Variants in ADGRB1 observed in about 807,000 individuals in gnomAD.
ADGRB1 encodes the protein brain-specific angiogenesis inhibitor 1.
In ADGRB1, 36 loss-of-function variants were observed where a neutral mutation model predicts 175.7. The observed-to-expected ratio is 0.20, with a 90% CI of 0.16 to 0.27. ADGRB1 has a LOEUF of 0.27. Ranked by LOEUF, ADGRB1 falls within the 10% of genes least tolerant of loss-of-function variation. The pLI is 1.00. For missense variants in ADGRB1, 1,731 were observed against 2,255.3 expected (o/e 0.77, Z 4.71); for synonymous variants, 1,054 against 979.4 (o/e 1.08, Z -1.42).
rs760812145 is a variant in ADGRB1, at chr8:142,477,107, C to A, written c.1058-7C>A. On this transcript the variant is annotated splice_region_variant and splice_polypyrimidine_tract_variant and intron_variant, in intron 4 of 30. Coordinates refer to ENST00000517894, the MANE Select transcript of ADGRB1 (RefSeq NM_001702.3). ...GCAGGCCTGTGACGCTGTAGTGGGGCCTGCAGGTGACCCAGCAGCCGAGGA... is the reference window on the plus strand; with the variant it reads ...GCAGGCCTGTGACGCTGTAGTGGGGACTGCAGGTGACCCAGCAGCCGAGGA... The A allele has an allele frequency of 9.0e-6, 14 of 1,556,070 alleles. No individual in the cohort carries two copies. The Admixed American group carries it at 1.8e-4, about 20-fold the overall frequency.
Position 142,476,715 on chromosome 8 carries a change from G to C in ADGRB1, c.1057+20G>C, listed in dbSNP as rs1261889568. 6.5e-7 allele frequency: 1 copy of C among 1,537,146 alleles called. No homozygotes were observed. The highest frequency in any genetic ancestry group is 1.2e-5 in the South Asian group (1 of 83,400). The stretch of plus-strand genomic sequence containing the variant: ...AGACCGGTGAGCTGGCGGGAGGGGG[G>C]TGGGTGGGACTAGGGCTTTGGGAAA... On this transcript the variant is annotated intron_variant, in intron 4 of 30. Coordinates refer to ENST00000517894, the MANE Select transcript of ADGRB1 (RefSeq NM_001702.3).
At position 142,481,679 on chromosome 8, in the gene ADGRB1, G is replaced by A; in HGVS notation, c.2098G>A (p.Ala700Thr). ...GAACATGACAGAGATTTTCCGGAGA[G>A]CGTACTACAGCCCCACCCCTGGGGA... ...LRNMTEIFRRAYYSPTPGDVQ... is the reference protein window; with the variant it reads ...LRNMTEIFRRTYYSPTPGDVQ... Residue 700 changes from alanine to threonine, a missense_variant, in exon 11 of 31, where the codon GCG becomes ACG. Transcript: ENST00000517894. 6 of 1,597,764 alleles carry A rather than the reference G, an allele frequency of 3.8e-6. No individual in the cohort carries two copies. Among genetic ancestry groups the A allele is most frequent in the South Asian group, 2.2e-5 (2 of 89,186 alleles).
intron 30 of ADGRB1, 71 bp from the exon 31 acceptor site, chr8:142,544,149 C>T (rs1271088532): frequency 2.0e-6 from 3 of 1,482,318 alleles, no homozygotes; most frequent in South Asian, 2.5e-5. Context: ...TCTGCCTCCT[C>T]CCCCCTACTC....
At chr8:142,502,481 A>G (rs1337378740) in intron 17 of ADGRB1, among the ~76,000 whole-genome samples, 1 of 125,170 alleles carries the variant, frequency 8.0e-6, no homozygotes, top group Admixed American at 7.4e-5. Flanking sequence ...TGTGGTTTTG[A>G]TGATGACAGT....
chr8:142,484,858 C>A, intron 13 of ADGRB1, 94 bp downstream of exon 13: 1 of 963,134 alleles, frequency 1.0e-6, no homozygotes, highest in Non-Finnish European at 1.5e-6. Context: ...TATAAAGGGG[C>A]AGTGACCAGA....
chr8:142,502,495 G>A (rs1842662348), intron 17 of ADGRB1, among the ~76,000 whole-genome samples: 1 of 151,954 alleles, frequency 6.6e-6, no homozygotes, highest in African/African-American at 2.4e-5. Context: ...TGACAGTGGT[G>A]ATGATGGGGT....
intron 17 of ADGRB1, among the ~76,000 whole-genome samples, chr8:142,502,653 G>A (rs373890132): frequency 1.4e-4 from 5 of 36,748 alleles, no homozygotes; most frequent in South Asian, 8.5e-4. Context: ...GGTGATGGTG[G>A]TGATGGTGAT....
chr8:142,513,888 G>C (rs1370913155), intron 18 of ADGRB1, among the ~76,000 whole-genome samples: 2 of 152,090 alleles, frequency 1.3e-5, no homozygotes, highest in East Asian at 3.9e-4. Flanking sequence ...GCAAGGCCTG[G>C]GGGGCTGCGG....
chr8:142,501,853 G>A (rs1587358710), intron 17 of ADGRB1, among the ~76,000 whole-genome samples: 1 of 52,996 alleles, frequency 1.9e-5, no homozygotes, highest in African/African-American at 5.3e-5. Flanking sequence ...TGTTTGTGTG[G>A]TTTTGACGAT....
At chr8:142,488,634 T>G in intron 14 of ADGRB1, 127 bp downstream of exon 14, 2 of 1,287,446 alleles carry the variant, frequency 1.6e-6, no homozygotes, top group Non-Finnish European at 2.1e-6. Context: ...GGTCCTCTTT[T>G]CCAGGAAGCC....
intron 18 of ADGRB1, among the ~76,000 whole-genome samples, chr8:142,514,349 G>A (rs1473491980): frequency 3.3e-5 from 5 of 152,084 alleles, no homozygotes; most frequent in Non-Finnish European, 5.9e-5. Context: ...CCAGGGTGTC[G>A]GCGCAGATGC....
In ADGRB1 at chr8:142,481,237, G is replaced by A. The variant is rs1219604384; in HGVS notation, c.1829-17G>A. 1.2e-6 allele frequency: 2 copies of A among 1,610,986 alleles called. No individual in the cohort carries two copies. The highest frequency in any genetic ancestry group is 1.7e-4 in the Middle Eastern group (1 of 6,020). ...CAGGCAGCGGGCATCCACCTGAGAA[G>A]GGGATGGTCTCCCCAGGACTCATCC... On this transcript the variant is annotated splice_polypyrimidine_tract_variant and intron_variant, in intron 9 of 30. Transcript: ENST00000517894.
In ADGRB1 at chr8:142,537,673, G is replaced by A. The variant is rs184848217; in HGVS notation, c.3666+591G>A. ...CCCTGCCCATCCTGGTGTCCTCAGC[G>A]GTGTGTTCTGCACCCCCCGCCCCTG... is the stretch of plus-strand genomic sequence containing the variant. On this transcript the variant is annotated intron_variant, in intron 26 of 30. Transcript: ENST00000517894. This position sits in a 1 kb window ranked among gnomAD's most constrained non-coding sequence, Gnocchi z 4.6. 7.0e-3 allele frequency among the ~76,000 whole-genome samples: 1,062 copies of A among 152,128 alleles called. 8 individuals are homozygous for A. The highest frequency in any genetic ancestry group is 0.011 in the Non-Finnish European group (754 of 67,962).
At chr8:142,458,059 G>A (rs1403546177) in intron 1 of ADGRB1, among the ~76,000 whole-genome samples, 2 of 151,972 alleles carry the variant, frequency 1.3e-5, no homozygotes, top group East Asian at 1.9e-4. Flanking sequence ...TCAGAGGGCC[G>A]GCAGGACAAC....
intron 17 of ADGRB1, among the ~76,000 whole-genome samples, chr8:142,500,584 A>AT (rs1201738771): frequency 6.6e-6 from 1 of 151,556 alleles, no homozygotes; most frequent in African/African-American, 2.4e-5. Context: ...CCAGGAGCAC[A>AT]ATGGCTCATT....
In ADGRB1 at chr8:142,523,074, G is replaced by T. The variant is rs555878353; in HGVS notation, c.3245+364G>T. 2.0e-5 allele frequency among the ~76,000 whole-genome samples: 3 copies of T among 152,354 alleles called. No individual in the cohort carries two copies. The East Asian group carries it at 5.8e-4, about 29-fold the overall frequency. ...TGAGAGGGAGGGCTGTTTGAGACAT[G>T]AGCTCTGGGCACAGTGGGCACACCC... On this transcript the variant is annotated intron_variant, in intron 22 of 30. Transcript: ENST00000517894.
chr8:142,476,758 T>C (rs905863880), intron 4 of ADGRB1, 63 bp downstream of exon 4: 11 of 1,415,594 alleles, frequency 7.8e-6, no homozygotes, highest in Non-Finnish European at 8.6e-6. Flanking sequence ...AAGTTATCAA[T>C]TGCAGCTAGT....
chr8:142,481,723 G>A lies in ADGRB1; in HGVS notation c.2130+12G>A, dbSNP rs554251315. The A allele has an allele frequency of 3.0e-5, 46 of 1,535,462 alleles. No homozygotes were observed. The highest frequency in any genetic ancestry group is 1.8e-4 in the African/African-American group (13 of 73,028). On this transcript the variant is annotated intron_variant, in intron 11 of 30. Coordinates refer to ENST00000517894, the MANE Select transcript of ADGRB1 (RefSeq NM_001702.3). ...CTGGGGACGTACAGGTGGGCTCCCC[G>A]AGCGGCATTTTGGAAGAGGGTGTCG...
rs541807302 is a variant in ADGRB1 at position 142,507,658 on chromosome 8, G to A, written c.2676-3274G>A. Among the ~76,000 whole-genome samples, 19 of 152,310 alleles carry A rather than the reference G, an allele frequency of 1.2e-4. No individual in the cohort carries two copies. In the South Asian group the frequency reaches 3.9e-3, roughly 32 times the overall value. On this transcript the variant is annotated intron_variant, in intron 17 of 30. Transcript: ENST00000517894. ...GGCGCCCTGCAGACTGGCCAGTGCG[G>A]CTGGGAACCAGCCAGGCTGCTGGCC... is the stretch of plus-strand genomic sequence containing the variant.
Sources: allele counts gnomAD v4.1 joint callset (sites outside exome capture counted in the v4.1 genomes callset), GRCh38; gene constraint gnomAD v4.1.1; non-coding constraint Gnocchi (gnomAD v3.1); transcripts MANE v1.5; gene names NCBI Gene and HGNC (gene_info 2026-07-23, HGNC 2026-07-21).